The following MOGAT3 variants were observed in gnomAD, a reference collection of about 807,000 sequenced individuals.
MOGAT3 encodes the protein 2-acylglycerol O-acyltransferase 3.
In MOGAT3, 39 loss-of-function variants were observed where a neutral mutation model predicts 34.4. The ratio of observed to expected loss-of-function variants is 1.13; its 90% CI spans 0.88 to 1.48. MOGAT3 has a LOEUF of 1.48. MOGAT3 is among the 40% of genes most tolerant of loss of function. MOGAT3 has a pLI of 0.00. For missense variants in MOGAT3, 439 were observed against 438.9 expected (o/e 1.00, Z 0.00); for synonymous variants, 209 against 179.2 (o/e 1.17, Z -1.33).
intron 4 of MOGAT3, 58 bp from the exon 5 acceptor site, chr7:101,198,423 C>T: frequency 6.8e-7 from 1 of 1,480,514 alleles, no homozygotes; most frequent in Non-Finnish European, 9.0e-7. Context: ...ACCCCCGCCC[C>T]TCACCCAGCC....
rs1430953453 is a variant in MOGAT3 at position 101,196,077 on chromosome 7, G to C, written c.895C>G (p.Gln299Glu). ...TVVGRPIPVPQRLHPTEEEVN... is the reference protein window; with the variant it reads ...TVVGRPIPVPERLHPTEEEVN... ...TCCTCCTCGGTGGGGTGGAGGCGCT[G>C]GGGGACGGGGATGGGGCGGCCCACT... Residue 299 changes from glutamine to glutamate, a missense_variant, in exon 7 of 7, where the codon CAG (glutamine) becomes GAG (glutamate). Coordinates refer to ENST00000223114, the MANE Select transcript of MOGAT3 (RefSeq NM_178176.4). 1 of 1,612,176 alleles carries C rather than the reference G, an allele frequency of 6.2e-7. No homozygotes were observed.
At position 101,195,854 on chromosome 7, in the gene MOGAT3, A is replaced by AGTG; in HGVS notation, c.*91_*92insCAC. The stretch of plus-strand genomic sequence containing the variant: ...AGGCATGAGGCACTGCGCTGGGCCC[A>AGTG]GAACTACCTTTTATTGGAGGCATGG... On this transcript the variant is annotated 3_prime_UTR_variant, in exon 7 of 7. Coordinates refer to ENST00000223114, the MANE Select transcript of MOGAT3 (RefSeq NM_178176.4). 3.5e-6 allele frequency: 5 copies of AGTG among 1,429,004 alleles called. No individual in the cohort carries two copies. In the Admixed American group the frequency reaches 8.7e-5, roughly 25 times the overall value. 88.5% of individuals were successfully genotyped at this position (1,429,004 alleles called of 1,614,324 possible). A position where few individuals can be genotyped will look rare whatever the true frequency, so the allele number is the denominator to read the frequency against.
In MOGAT3 at chr7:101,196,075, C is replaced by T. The variant is rs992943503; in HGVS notation, c.897G>A (p.Gln299=). 1.2e-6 allele frequency: 2 copies of T among 1,612,252 alleles called. No homozygotes were observed. Among genetic ancestry groups the T allele is most frequent in the Non-Finnish European group, 1.7e-6 (2 of 1,179,086 alleles). Reference sequence around the variant, plus strand: ...CTTCCTCCTCGGTGGGGTGGAGGCGCTGGGGGACGGGGATGGGGCGGCCCA... The same window carrying T: ...CTTCCTCCTCGGTGGGGTGGAGGCGTTGGGGGACGGGGATGGGGCGGCCCA... ...TVVGRPIPVP[Q]RLHPTEEEVN... Residue 299 remains glutamine, a synonymous_variant, in exon 7 of 7, where the codon CAG becomes CAA. Coordinates refer to ENST00000223114, the MANE Select transcript of MOGAT3 (RefSeq NM_178176.4).
At position 101,196,162 on chromosome 7, in the gene MOGAT3, C is replaced by T. The variant is rs375032418; in HGVS notation, c.871+25G>A. ...TGATGCCCACGCAGCTGCTGGTGGC[C>T]GTCCCCCCGGAGGTGGGCACTCACC... On this transcript the variant is annotated intron_variant, in intron 6 of 6. Transcript: ENST00000223114. 1.9e-5 allele frequency: 30 copies of T among 1,569,388 alleles called. No individual in the cohort carries two copies. In the African/African-American group the frequency reaches 2.4e-4, roughly 13 times the overall value.
At chr7:101,200,575 T>C in intron 1 of MOGAT3, 60 bp from the exon 2 acceptor site, 2 of 1,425,988 alleles carry the variant, frequency 1.4e-6, no homozygotes, top group Non-Finnish European at 1.9e-6. Flanking sequence ...TCCCTCCAGC[T>C]GCTCCCTTCC....
rs757922450 is a variant in MOGAT3, at chr7:101,200,749, T to C, written c.106A>G (p.Met36Val). The change falls in exon 1 of 7, where the codon ATG becomes GTG. Residue 36 changes from methionine to valine, a missense_variant. Coordinates refer to ENST00000223114, the MANE Select transcript of MOGAT3 (RefSeq NM_178176.4). ...CCCACGCCTCCCCAGCTCTCACCCA[T>C]GAAGAGGAAAGTGAGCACATATTGG... ...AYQYVLTFLFMGPFFSLLVFV... is the reference protein window; with the variant it reads ...AYQYVLTFLFVGPFFSLLVFV... The C allele has an allele frequency of 2.5e-6, 4 of 1,613,526 alleles. No homozygotes were observed. Among genetic ancestry groups the C allele is most frequent in the Admixed American group, 3.3e-5 (2 of 59,968 alleles).
At chr7:101,197,503 T>G (rs1359761863) in intron 5 of MOGAT3, among the ~76,000 whole-genome samples, 1 of 152,172 alleles carries the variant, frequency 6.6e-6, no homozygotes, top group African/African-American at 2.4e-5. Context: ...TCACATTTCT[T>G]GAGACACAGT....
At chr7:101,194,136 A>G (rs961928824), downstream of MOGAT3, among the ~76,000 whole-genome samples, 2 of 151,994 alleles carry the variant, frequency 1.3e-5, no homozygotes, top group African/African-American at 4.8e-5. Context: ...TGGGATGACA[A>G]TCATAAGCCA....
At chr7:101,198,586 C>CAG (rs1562884624) in intron 4 of MOGAT3, 40 bp downstream of exon 4, 1 of 1,579,618 alleles carries the variant, frequency 6.3e-7, no homozygotes, top group East Asian at 2.2e-5. Context: ...AACATCTGGT[C>CAG]AGGAGTCTCC....
rs185201198 is a variant in MOGAT3, at chr7:101,198,376, G to A, written c.494-11C>T. On this transcript the variant is annotated splice_polypyrimidine_tract_variant and intron_variant, in intron 4 of 6. Coordinates refer to ENST00000223114, the MANE Select transcript of MOGAT3 (RefSeq NM_178176.4). ...TCACCGGACAGAGTCCTGTGGGCAG[G>A]AGGAGGTGGAAAGTAGTTCCCATCT... is the stretch of plus-strand genomic sequence containing the variant. The A allele has an allele frequency of 1.3e-6, 2 of 1,530,412 alleles. No individual in the cohort carries two copies. Among genetic ancestry groups the A allele is most frequent in the Non-Finnish European group, 8.8e-7 (1 of 1,138,294 alleles). The allele number at this position is 1,530,412 out of a possible 1,614,324, so 94.8% of individuals were successfully genotyped here.
rs147908168 is a variant in MOGAT3 at position 101,199,156 on chromosome 7, C to T, written c.289-326G>A. ...CCGAGTAGCTGGGATTACAGGCATG[C>T]GAAACTATGCCCAGCTAATTTTTGT... On this transcript the variant is annotated intron_variant, in intron 3 of 6. Transcript: ENST00000223114. 3.0e-3 allele frequency among the ~76,000 whole-genome samples: 450 copies of T among 148,732 alleles called. 2 individuals are homozygous for T. Among genetic ancestry groups the T allele is most frequent in the Non-Finnish European group, 5.0e-3 (338 of 67,046 alleles).
At chr7:101,199,984 T>C (rs947170119) in intron 3 of MOGAT3, among the ~76,000 whole-genome samples, 12 of 151,448 alleles carry the variant, frequency 7.9e-5, no homozygotes, top group Non-Finnish European at 5.9e-5. Flanking sequence ...TCCCAGCTAC[T>C]AGGGAGGCTG....
rs1336459463 is a variant in MOGAT3 at position 101,198,263 on chromosome 7, T to C, written c.596A>G (p.Tyr199Cys). ...IMVGGAHEAL[Y>C]SVPGEHCLTL... ...AAGGCAGTGCTCCCCGGGGACTGAA[T>C]ACAGGGCCTCGTGCGCACCCCCCAC... Residue 199 changes from tyrosine to cysteine, a missense_variant, in exon 5 of 7, where the codon TAT becomes TGT. Tyr to Cys is a radical substitution (Grantham distance 194). Transcript: ENST00000223114. The C allele has an allele frequency of 1.2e-5, 20 of 1,612,746 alleles. No individual in the cohort carries two copies. Among genetic ancestry groups the C allele is most frequent in the Non-Finnish European group, 1.7e-5 (20 of 1,179,332 alleles).
rs746104352 is a variant in MOGAT3 at position 101,200,786 on chromosome 7, T to A, written c.69A>T (p.Ala23=). 2 of 1,614,162 alleles carry A rather than the reference T, an allele frequency of 1.2e-6. No individual in the cohort carries two copies. The highest frequency in any genetic ancestry group is 2.2e-5 in the South Asian group (2 of 91,082). Residue 23 remains alanine (A), a synonymous_variant, in exon 1 of 7, where the codon GCA becomes GCT. Coordinates refer to ENST00000223114, the MANE Select transcript of MOGAT3 (RefSeq NM_178176.4). ...TGAGCACATATTGGTAGGCGCCCAC[T>A]GCTTCTAGATGCTGCTTCTGCAAGG... is the stretch of plus-strand genomic sequence containing the variant. ...SKTLQKQHLE[A]VGAYQYVLTF...
chr7:101,198,910 G>A, intron 3 of MOGAT3, 80 bp from the exon 4 acceptor site: 2 of 1,314,106 alleles, frequency 1.5e-6, no homozygotes, highest in South Asian at 2.4e-5. Flanking sequence ...CCCCAACAGA[G>A]TTCCGAGTTA....
chr7:101,199,784 C>CCCCGCTCT (rs778594705), intron 3 of MOGAT3, among the ~76,000 whole-genome samples: 2 of 151,810 alleles, frequency 1.3e-5, no homozygotes, highest in Non-Finnish European at 2.9e-5. Context: ...CCCACCAAGG[C>CCCCGCTCT]CCCGCTCTTG....
At chr7:101,197,140 C>T (rs892322010) in intron 5 of MOGAT3, among the ~76,000 whole-genome samples, 1 of 151,906 alleles carries the variant, frequency 6.6e-6, no homozygotes, top group South Asian at 2.1e-4. Context: ...AGCAAGACTC[C>T]ATCTCCAAAA....
chr7:101,198,874 C>G, intron 3 of MOGAT3, 44 bp from the exon 4 acceptor site: 1 of 1,583,816 alleles, frequency 6.3e-7, no homozygotes, highest in South Asian at 1.1e-5. Context: ...GAAGGCAAGA[C>G]ACCGGCTGAA....
chr7:101,200,915 G>C lies in MOGAT3; in HGVS notation c.-61C>G, dbSNP rs1797940300. 1 of 1,409,250 alleles carries C rather than the reference G, an allele frequency of 7.1e-7. No homozygotes were observed. The highest frequency in any genetic ancestry group is 1.3e-5 in the South Asian group (1 of 79,480). The allele number at this position is 1,409,250 out of a possible 1,614,324, so 87.3% of individuals were successfully genotyped here. A position where few individuals can be genotyped will look rare whatever the true frequency, so the allele number is the denominator to read the frequency against. ...CCCGGAGGACAAACGATGAAGGCTT[G>C]GATGTGGACCTGGGCAGACTTTCTC... On this transcript the variant is annotated 5_prime_UTR_variant, in exon 1 of 7. Transcript: ENST00000223114.
Sources: allele counts gnomAD v4.1 joint callset (sites outside exome capture counted in the v4.1 genomes callset), GRCh38; gene constraint gnomAD v4.1.1; transcripts MANE v1.5; gene names NCBI Gene and HGNC (gene_info 2026-07-23, HGNC 2026-07-21).